VWA8: variants seen among roughly 807,000 people sequenced by gnomAD.
VWA8 encodes the protein von Willebrand factor A domain containing 8, also known as von Willebrand factor A domain-containing protein 8.
Under a neutral mutation model 241.5 loss-of-function variants are expected in VWA8, and 221 were observed. The observed-to-expected ratio is 0.91, with a 90% CI of 0.82 to 1.02. The LOEUF is 1.02. Ranked by LOEUF, VWA8 falls within the 50% of genes least tolerant of loss-of-function variation. The pLI is 0.00. For missense variants in VWA8, 2,322 were observed against 2,328.7 expected (o/e 1.00, Z 0.06); for synonymous variants, 852 against 827.1 (o/e 1.03, Z -0.52).
At position 41,615,098 on chromosome 13, in the gene VWA8, A is replaced by C. The variant is rs371288962; in HGVS notation, c.4612-14T>G. Reference sequence around the variant, plus strand: ...GTTGATTGTTATCTAAAAATGAACAATTGAGACATTTTTACTATCCTGTGA... The same window carrying C: ...GTTGATTGTTATCTAAAAATGAACACTTGAGACATTTTTACTATCCTGTGA... On this transcript the variant is annotated splice_polypyrimidine_tract_variant and intron_variant, in intron 37 of 44. Transcript: ENST00000379310. The C allele has an allele frequency of 2.1e-4, 341 of 1,613,060 alleles. 8 individuals are homozygous for C. In the East Asian group the frequency reaches 4.9e-3, roughly 23 times the overall value.
Position 41,662,727 on chromosome 13 carries a change from T to C in VWA8, c.4611+8219A>G, listed in dbSNP as rs146945028. On this transcript the variant is annotated intron_variant, in intron 37 of 44. Coordinates refer to ENST00000379310, the MANE Select transcript of VWA8 (RefSeq NM_015058.2). ...ATTATACTTTAAGTTTTAGGGTACATGTGCACAACGTGCAGGTTTGTTACA... is the reference window on the plus strand; with the variant it reads ...ATTATACTTTAAGTTTTAGGGTACACGTGCACAACGTGCAGGTTTGTTACA... 3.0e-3 allele frequency among the ~76,000 whole-genome samples: 464 copies of C among 152,262 alleles called. 2 individuals carry two copies. The highest frequency in any genetic ancestry group is 0.01 in the African/African-American group (422 of 41,570).
chr13:41,705,873 T>C (rs1343470155), intron 26 of VWA8, among the ~76,000 whole-genome samples: 9 of 152,156 alleles, frequency 5.9e-5, no homozygotes, highest in Non-Finnish European at 1.3e-4. Flanking sequence ...AAAATATCTA[T>C]AGTTACCAAC....
In VWA8 at chr13:41,782,633, C is replaced by T. The variant is rs537492225; in HGVS notation, c.2277+1162G>A. Among the ~76,000 whole-genome samples the T allele has an allele frequency of 5.3e-5, 8 of 151,976 alleles. No individual in the cohort carries two copies. The South Asian group carries it at 8.3e-4, about 16-fold the overall frequency. ...CAAATCAAGGTTATGCTCTTTTCTACGACATAAAAAATATAGTTTTGACAG... is the reference window on the plus strand; with the variant it reads ...CAAATCAAGGTTATGCTCTTTTCTATGACATAAAAAATATAGTTTTGACAG... On this transcript the variant is annotated intron_variant, in intron 19 of 44. Coordinates refer to ENST00000379310, the MANE Select transcript of VWA8 (RefSeq NM_015058.2).
chr13:41,664,653 G>A (rs2044974974), intron 37 of VWA8, among the ~76,000 whole-genome samples: 1 of 152,042 alleles, frequency 6.6e-6, no homozygotes, highest in South Asian at 2.1e-4. Context: ...TCAACGGCCT[G>A]GACAGACTTT....
At chr13:41,735,534 G>A (rs1593730835) in intron 21 of VWA8, among the ~76,000 whole-genome samples, 2 of 152,244 alleles carry the variant, frequency 1.3e-5, no homozygotes, top group East Asian at 3.9e-4. Context: ...TTTTAGTGGA[G>A]TAGTATGTGA....
intron 4 of VWA8, among the ~76,000 whole-genome samples, chr13:41,894,263 T>C (rs1211186357): frequency 3.3e-5 from 5 of 152,234 alleles, no homozygotes; most frequent in Admixed American, 2.0e-4. Flanking sequence ...CTGCTATGCA[T>C]TGAATCTCTT....
intron 26 of VWA8, among the ~76,000 whole-genome samples, chr13:41,716,164 T>C (rs934334719): frequency 6.6e-6 from 1 of 151,938 alleles, no homozygotes; most frequent in African/African-American, 2.4e-5. Context: ...ATTCTGATCC[T>C]GGTACTAAGG....
chr13:41,817,381 A>G (rs2137982108), intron 15 of VWA8, among the ~76,000 whole-genome samples: 1 of 152,324 alleles, frequency 6.6e-6, no homozygotes, highest in South Asian at 2.1e-4. Flanking sequence ...ACAAACTTCA[A>G]TTAAGTACTT....
intron 21 of VWA8, among the ~76,000 whole-genome samples, chr13:41,752,518 ATGAAT>A (rs1199786545): frequency 6.6e-6 from 1 of 152,178 alleles, no homozygotes. Flanking sequence ...GCCAAACAAA[ATGAAT>A]AGATATTAGG....
At chr13:41,650,982 T>C (rs900164565) in intron 37 of VWA8, among the ~76,000 whole-genome samples, 1 of 152,216 alleles carries the variant, frequency 6.6e-6, no homozygotes, top group Non-Finnish European at 1.5e-5. Flanking sequence ...TTTAGCTTCA[T>C]TCTTCTCATT....
intron 35 of VWA8, among the ~76,000 whole-genome samples, chr13:41,677,470 G>C (rs1473232331): frequency 6.6e-6 from 1 of 152,080 alleles, no homozygotes; most frequent in Non-Finnish European, 1.5e-5. Flanking sequence ...AGAAACTGAG[G>C]CTTATAGAGG....
At chr13:41,847,799 G>A (rs1037594519) in intron 12 of VWA8, among the ~76,000 whole-genome samples, 1 of 152,126 alleles carries the variant, frequency 6.6e-6, no homozygotes, top group Non-Finnish European at 1.5e-5. Context: ...TCTAATCAGG[G>A]AAATGAAAAG....
At position 41,813,771 on chromosome 13, in the gene VWA8, T is replaced by A. The variant is rs569114897; in HGVS notation, c.1948-2431A>T. ...GCCATTTAAGTGTTGAATAAAGGGTTTGGTAATCTCTGCTCTCACATTATT... is the reference window on the plus strand; with the variant it reads ...GCCATTTAAGTGTTGAATAAAGGGTATGGTAATCTCTGCTCTCACATTATT... On this transcript the variant is annotated intron_variant, in intron 16 of 44. Transcript: ENST00000379310. Among the ~76,000 whole-genome samples the A allele has an allele frequency of 2.6e-5, 4 of 152,280 alleles. No individual in the cohort carries two copies. In the South Asian group the frequency reaches 8.3e-4, roughly 32 times the overall value.
rs750808395 is a variant in VWA8 at position 41,691,863 on chromosome 13, A to G, written c.3740+11T>C. The G allele has an allele frequency of 6.3e-7, 1 of 1,595,132 alleles. No homozygotes were observed. The highest frequency in any genetic ancestry group is 8.6e-7 in the Non-Finnish European group (1 of 1,164,056). ...AACTCCAGTTTAAATCCTCTATAAT[A>G]AAGAGCTCACCCTTTTTCTTTGTAG... On this transcript the variant is annotated intron_variant, in intron 31 of 44. Transcript: ENST00000379310.
At chr13:41,722,625 G>A (rs1476328158) in intron 24 of VWA8, among the ~76,000 whole-genome samples, 1 of 152,054 alleles carries the variant, frequency 6.6e-6, no homozygotes, top group Non-Finnish European at 1.5e-5. Context: ...AACATAAAAA[G>A]ACAATTGACC....
At chr13:41,731,425 C>T (rs1490925616) in intron 22 of VWA8, among the ~76,000 whole-genome samples, 1 of 152,036 alleles carries the variant, frequency 6.6e-6, no homozygotes, top group Non-Finnish European at 1.5e-5. Flanking sequence ...AAACTCTATA[C>T]ATTTGAAAAT....
chr13:41,791,054 T>C (rs1209220321), intron 17 of VWA8, among the ~76,000 whole-genome samples: 1 of 151,986 alleles, frequency 6.6e-6, no homozygotes, highest in African/African-American at 2.4e-5. Context: ...GTTATATCAA[T>C]GTTTGTTTTA....
At chr13:41,902,660 A>G (rs1435246457) in intron 4 of VWA8, among the ~76,000 whole-genome samples, 1 of 152,228 alleles carries the variant, frequency 6.6e-6, no homozygotes, top group Non-Finnish European at 1.5e-5. Flanking sequence ...CAGAAAAAAT[A>G]AACTTTACTT....
At chr13:41,691,222 A>G (rs2045174723) in intron 32 of VWA8, 98 bp downstream of exon 32, 1 of 1,409,402 alleles carries the variant, frequency 7.1e-7, no homozygotes, top group Admixed American at 2.3e-5. Flanking sequence ...TTGTTAAAGG[A>G]CAGACACAGG....
Sources: gnomAD v4.1 joint callset for allele counts (sites outside exome capture counted in the v4.1 genomes callset) on GRCh38, gnomAD v4.1.1 for gene constraint, MANE v1.5 for transcripts, NCBI Gene and HGNC (gene_info 2026-07-23, HGNC 2026-07-21) for gene names.